LDB3: variants seen among roughly 807,000 people sequenced by gnomAD.
LDB3 encodes LIM domain binding 3, also known as LIM domain-binding protein 3.
In LDB3, 49 loss-of-function variants were observed where a neutral mutation model predicts 69.0. The observed-to-expected ratio is 0.71, with a 90% CI of 0.56 to 0.90. LDB3 has a LOEUF of 0.90. LDB3 is among the 40% of genes least tolerant of loss of function. LDB3 has a pLI of 0.00. For synonymous variants in LDB3, 387 were observed against 396.2 expected (o/e 0.98, Z 0.28); for missense variants, 928 against 974.1 (o/e 0.95, Z 0.63).
In LDB3 at chr10:86,695,316, C is replaced by T. The variant is rs116471794; in HGVS notation, c.896+2745C>T. 4.3e-3 allele frequency among the ~76,000 whole-genome samples: 650 copies of T among 152,354 alleles called. 3 individuals carry two copies. The highest frequency in any genetic ancestry group is 0.01 in the Middle Eastern group (3 of 294). Reference sequence around the variant, plus strand: ...CCATCACTGCTCTGCCTCCAAGGTCCACCCCCAGAGTCCCAGGGCAGCTCA... The same window carrying T: ...CCATCACTGCTCTGCCTCCAAGGTCTACCCCCAGAGTCCCAGGGCAGCTCA... On this transcript the variant is annotated intron_variant, in intron 7 of 13. Transcript: ENST00000361373.
At chr10:86,722,494 T>C (rs1053751230) in intron 12 of LDB3, among the ~76,000 whole-genome samples, 2 of 150,962 alleles carry the variant, frequency 1.3e-5, no homozygotes, top group Admixed American at 1.3e-4. Context: ...TCTCCTGATC[T>C]CGTGATCCGC....
chr10:86,695,053 T>C (rs1163747091), intron 7 of LDB3, among the ~76,000 whole-genome samples: 1 of 152,218 alleles, frequency 6.6e-6, no homozygotes, highest in Non-Finnish European at 1.5e-5. Context: ...CTTCCAAGTG[T>C]CTCACTCCAG....
intron 5 of LDB3, among the ~76,000 whole-genome samples, chr10:86,689,874 G>C (rs1296244523): frequency 3.3e-5 from 5 of 152,228 alleles, no homozygotes; most frequent in Admixed American, 3.3e-4. Flanking sequence ...TGGGTCCAGA[G>C]AGTGGACTCA....
intron 13 of LDB3, among the ~76,000 whole-genome samples, chr10:86,732,003 C>CTTTTTTTTTT (rs755552822): frequency 2.4e-5 from 3 of 123,222 alleles, no homozygotes; most frequent in African/African-American, 9.6e-5. Flanking sequence ...TTCTTTCTTT[C>CTTTTTTTTTT]TTTTTCTTTT....
intron 5 of LDB3, 149 bp downstream of exon 5, chr10:86,681,952 A>T: frequency 1.3e-6 from 1 of 778,074 alleles, no homozygotes; most frequent in Non-Finnish European, 2.0e-6. Flanking sequence ...ATCCTGCGGC[A>T]TTTGCCATGA....
intron 13 of LDB3, among the ~76,000 whole-genome samples, chr10:86,731,325 A>G (rs1589690180): frequency 6.7e-6 from 1 of 149,514 alleles, no homozygotes; most frequent in East Asian, 2.0e-4. Flanking sequence ...TCCGGGTTCA[A>G]GTGATTCTCC....
In LDB3 at chr10:86,681,812, C is replaced by T. The variant is rs727503124; in HGVS notation, c.689+9C>T. 5.0e-5 allele frequency: 79 copies of T among 1,586,812 alleles called. No homozygotes were observed. Among genetic ancestry groups the T allele is most frequent in the Admixed American group, 8.9e-5 (5 of 56,072 alleles). ...GTCGGACTCCCAGGAGGGTAGGTAA[C>T]GGACATACAGCTCTCCACAGGTGGC... On this transcript the variant is annotated intron_variant, in intron 5 of 13. Transcript: ENST00000361373.
chr10:86,716,679 G>A lies in LDB3; in HGVS notation c.1584G>A (p.Val528=). The change falls in exon 10 of 14, where the codon GTG becomes GTA. Residue 528 remains valine, a synonymous_variant. Coordinates refer to ENST00000361373, the MANE Select transcript of LDB3 (RefSeq NM_007078.3). The part of the protein sequence containing the change: ...GPAYTPAGPQ[V]PPLARGTVQR... The stretch of plus-strand genomic sequence containing the variant: ...CCTACACCCCAGCGGGTCCTCAGGT[G>A]CCACCACTTGCCAGGGGGACCGTCC... 4 of 1,613,868 alleles carry A rather than the reference G, an allele frequency of 2.5e-6. No homozygotes were observed. Among genetic ancestry groups the A allele is most frequent in the Non-Finnish European group, 3.4e-6 (4 of 1,179,978 alleles).
At position 86,668,676 on chromosome 10, in the gene LDB3, C is replaced by T. The variant is rs371348230; in HGVS notation, c.-16C>T. 1.9e-4 allele frequency: 300 copies of T among 1,608,146 alleles called. No individual in the cohort carries two copies. The highest frequency in any genetic ancestry group is 3.1e-4 in the East Asian group (14 of 44,832). On this transcript the variant is annotated 5_prime_UTR_variant, in exon 2 of 14. Coordinates refer to ENST00000361373, the MANE Select transcript of LDB3 (RefSeq NM_007078.3). ...TCTACCCTTTGTCTGCAGAGGCGGC[C>T]GCTGACAGCACCAGCATGTCTTACA...
chr10:86,668,876 G>C, intron 2 of LDB3, 92 bp downstream of exon 2: 1 of 1,003,556 alleles, frequency 1.0e-6, no homozygotes, highest in Non-Finnish European at 1.5e-6. Flanking sequence ...TCCTTTCTGA[G>C]CCTCTCAGAA....
chr10:86,727,997 A>G (rs17335189), intron 13 of LDB3, among the ~76,000 whole-genome samples: 8,345 of 152,106 alleles, frequency 0.055, 344 homozygotes, highest in Non-Finnish European at 0.073. Flanking sequence ...CTTTGAACAG[A>G]TTCTCTAGTT....
At chr10:86,684,159 CCTT>C (rs1213635463) in intron 5 of LDB3, among the ~76,000 whole-genome samples, 2 of 152,260 alleles carry the variant, frequency 1.3e-5, no homozygotes, top group African/African-American at 2.4e-5. Context: ...CCAGCAGCCC[CCTT>C]CTTCTCCTCC....
intron 7 of LDB3, among the ~76,000 whole-genome samples, chr10:86,692,949 A>G (rs1845836775): frequency 1.3e-5 from 2 of 152,184 alleles, no homozygotes; most frequent in South Asian, 4.1e-4. Flanking sequence ...TCCCCCTATG[A>G]TTCCGAAGGC....
At chr10:86,666,836 C>T (rs763382680), upstream of LDB3, 14 of 469,800 alleles carry the variant, frequency 3.0e-5, no homozygotes, top group South Asian at 1.4e-4. Context: ...AGAGAGACAG[C>T]GTGCAGCTCC....
At chr10:86,692,109 G>A in intron 6 of LDB3, 44 bp downstream of exon 6, 2 of 1,609,414 alleles carry the variant, frequency 1.2e-6, no homozygotes, top group Non-Finnish European at 1.7e-6. Flanking sequence ...GGGAGATGCT[G>A]AGGGGCCACC....
chr10:86,732,005 T>C (rs1056095212), intron 13 of LDB3, among the ~76,000 whole-genome samples: 4 of 127,644 alleles, frequency 3.1e-5, no homozygotes, highest in Non-Finnish European at 6.4e-5. Context: ...CTTTCTTTCT[T>C]TTTCTTTTTT....
At chr10:86,679,289 G>A in intron 2 of LDB3, 78 bp from the exon 3 acceptor site, 1 of 1,555,524 alleles carries the variant, frequency 6.4e-7, no homozygotes, top group Non-Finnish European at 8.9e-7. Context: ...ATACTCCCGG[G>A]TGACTCTTCC....
chr10:86,692,115 C>G, intron 6 of LDB3, 50 bp downstream of exon 6: 1 of 1,600,692 alleles, frequency 6.2e-7, no homozygotes, highest in Non-Finnish European at 8.5e-7. Flanking sequence ...TGCTGAGGGG[C>G]CACCAGGGAC....
intron 5 of LDB3, among the ~76,000 whole-genome samples, chr10:86,691,165 C>T (rs1325273703): frequency 6.6e-6 from 1 of 152,160 alleles, no homozygotes; most frequent in Non-Finnish European, 1.5e-5. Context: ...GTTTGTTCAG[C>T]CAAGAGTTTT....
Sources: gnomAD v4.1 joint callset for allele counts (sites outside exome capture counted in the v4.1 genomes callset) on GRCh38, gnomAD v4.1.1 for gene constraint, MANE v1.5 for transcripts, NCBI Gene and HGNC (gene_info 2026-07-23, HGNC 2026-07-21) for gene names.